The following SNX25 variants were observed in gnomAD, a reference collection of about 807,000 sequenced individuals.
The protein encoded by SNX25 is sorting nexin 25.
Under a neutral mutation model 113.7 loss-of-function variants are expected in SNX25, and 62 were observed. That is an observed-to-expected ratio of 0.55 (90% CI 0.44 to 0.67). SNX25 has a LOEUF of 0.67. Among genes scored for constraint, SNX25 ranks in the 30% least tolerant of loss-of-function variants. The pLI, the probability that SNX25 is intolerant of heterozygous loss-of-function variation, is 0.00. For missense variants in SNX25, 1,014 were observed against 1,161.0 expected, an observed-to-expected ratio of 0.87 and a Z score of 1.84; for synonymous variants, 421 against 436.2, an observed-to-expected ratio of 0.97 and a Z score of 0.43.
At chr4:185,330,897 G>A (rs930855778) in intron 9 of SNX25, among the ~76,000 whole-genome samples, 2 of 151,928 alleles carry the variant, frequency 1.3e-5, no homozygotes, top group African/African-American at 2.4e-5. Context: ...ACAGTTTGTT[G>A]TATCTATGTT....
At chr4:185,212,380 C>T (rs1454524611) in intron 1 of SNX25, among the ~76,000 whole-genome samples, 1 of 151,282 alleles carries the variant, frequency 6.6e-6, no homozygotes, top group African/African-American at 2.4e-5. Context: ...AAATACATGT[C>T]ATTCACATAA....
intron 11 of SNX25, chr4:185,369,648 A>G (rs1426773621): frequency 4.1e-5 from 15 of 366,072 alleles, no homozygotes; most frequent in Admixed American, 1.8e-4. Flanking sequence ...GCTGTGTGCT[A>G]TGTGTCTATG....
intron 1 of SNX25, among the ~76,000 whole-genome samples, chr4:185,227,900 C>T (rs1313874582): frequency 1.3e-5 from 2 of 151,986 alleles, no homozygotes; most frequent in Admixed American, 6.6e-5. Context: ...TGAGAAGCAG[C>T]GAGTCCAAGC....
the SNX25 span, among the ~76,000 whole-genome samples, chr4:185,376,305 T>C: frequency 8.6e-5 from 13 of 151,886 alleles, no homozygotes; most frequent in African/African-American, 1.5e-4. Flanking sequence ...TGAGAGGGAG[T>C]CTCGCTCTGT....
chr4:185,257,189 A>C (rs187955101), intron 2 of SNX25, among the ~76,000 whole-genome samples: 49 of 152,104 alleles, frequency 3.2e-4, no homozygotes, highest in Non-Finnish European at 2.2e-4. Context: ...AAAAAAAAAA[A>C]AAAAAACCTC....
chr4:185,338,652 G>A lies in SNX25; in HGVS notation c.1915-727G>A, dbSNP rs188843045. Among the ~76,000 whole-genome samples the A allele has an allele frequency of 1.5e-3, 229 of 152,190 alleles. 1 individual carries two copies. Among genetic ancestry groups the A allele is most frequent in the African/African-American group, 5.3e-3 (222 of 41,516 alleles). On this transcript the variant is annotated intron_variant, in intron 10 of 18. Transcript: ENST00000652585. ...TTTCGATCTTTGATCTACTTTAATT[G>A]TTATATATAGGGTTAGGTGGCAAGG... is the stretch of plus-strand genomic sequence containing the variant.
At chr4:185,274,861 G>A (rs992123070) in intron 5 of SNX25, among the ~76,000 whole-genome samples, 10 of 152,128 alleles carry the variant, frequency 6.6e-5, no homozygotes, top group Non-Finnish European at 1.5e-5. Flanking sequence ...GGATCCCATA[G>A]ATAATAAACA....
chr4:185,229,322 C>G (rs1017232445), intron 1 of SNX25, among the ~76,000 whole-genome samples: 3 of 152,226 alleles, frequency 2.0e-5, no homozygotes, highest in African/African-American at 7.2e-5. Flanking sequence ...CTCCTATCTG[C>G]TGGCATGCAA....
chr4:185,285,298 T>C (rs893101748), intron 5 of SNX25, among the ~76,000 whole-genome samples: 1 of 152,232 alleles, frequency 6.6e-6, no homozygotes, highest in African/African-American at 2.4e-5. Flanking sequence ...TGATATGTCC[T>C]GAAAGCAAGG....
intron 6 of SNX25, 55 bp downstream of exon 6, chr4:185,288,137 C>A: frequency 7.1e-7 from 1 of 1,401,276 alleles, no homozygotes; most frequent in Non-Finnish European, 1.0e-6. Context: ...GCTTGATCCC[C>A]GGCCTTCTCC....
intron 5 of SNX25, among the ~76,000 whole-genome samples, chr4:185,274,494 G>C (rs1749386585): frequency 6.6e-6 from 1 of 152,130 alleles, no homozygotes; most frequent in South Asian, 2.1e-4. Context: ...AAAAATAGAG[G>C]ATTCTATTAC....
At chr4:185,218,449 T>C (rs1167846128) in intron 1 of SNX25, among the ~76,000 whole-genome samples, 2 of 152,164 alleles carry the variant, frequency 1.3e-5, no homozygotes, top group Non-Finnish European at 1.5e-5. Flanking sequence ...TGCATGTATG[T>C]TGGTGGGCCT....
intron 1 of SNX25, among the ~76,000 whole-genome samples, chr4:185,241,720 A>T (rs1218790737): frequency 6.6e-6 from 1 of 152,096 alleles, no homozygotes; most frequent in Admixed American, 6.6e-5. Context: ...CTGGACCAGG[A>T]TACTGAAGAT....
At chr4:185,261,574 A>G (rs1178968799) in intron 3 of SNX25, among the ~76,000 whole-genome samples, 1 of 152,198 alleles carries the variant, frequency 6.6e-6, no homozygotes, top group Admixed American at 6.5e-5. Flanking sequence ...TGGTTTTATG[A>G]TTATCTAATT....
chr4:185,210,633 G>T lies in SNX25; in HGVS notation c.429+378G>T, dbSNP rs1737622493. 2.0e-5 allele frequency among the ~76,000 whole-genome samples: 3 copies of T among 151,978 alleles called. No individual in the cohort carries two copies. The highest frequency in any genetic ancestry group is 1.3e-4 in the Admixed American group (2 of 15,256). ...TGCAGGCTCTGCGCACGGTCCTGGC[G>T]ATCCGCTTGGTTCTTCTGGCCGTTC... On this transcript the variant is annotated intron_variant, in intron 1 of 18. Transcript: ENST00000652585. This position sits in a 1 kb window ranked among gnomAD's most constrained non-coding sequence, Gnocchi z 4.4.
At chr4:185,312,222 G>A (rs2095036582) in intron 7 of SNX25, among the ~76,000 whole-genome samples, 1 of 152,138 alleles carries the variant, frequency 6.6e-6, no homozygotes, top group African/African-American at 2.4e-5. Context: ...ACAGTGCTAG[G>A]TACTAGGATT....
At chr4:185,222,703 T>C (rs1246081566) in intron 1 of SNX25, among the ~76,000 whole-genome samples, 5 of 152,198 alleles carry the variant, frequency 3.3e-5, no homozygotes, top group African/African-American at 1.2e-4. Flanking sequence ...TAAGGCCTAG[T>C]TGGATGATTT....
At chr4:185,266,540 T>G (rs958065763) in intron 4 of SNX25, among the ~76,000 whole-genome samples, 26 of 152,260 alleles carry the variant, frequency 1.7e-4, no homozygotes, top group African/African-American at 5.3e-4. Context: ...TTTGTGTTTT[T>G]GGTAGAGATT....
intron 15 of SNX25, 127 bp from the exon 16 acceptor site, chr4:185,357,544 A>G (rs2095344543): frequency 2.6e-6 from 2 of 772,070 alleles, no homozygotes; most frequent in East Asian, 2.6e-5. Flanking sequence ...TGCAGATGTC[A>G]TAGCCATGAC....
Sources: allele counts gnomAD v4.1 joint callset (sites outside exome capture counted in the v4.1 genomes callset), GRCh38; gene constraint gnomAD v4.1.1; non-coding constraint Gnocchi (gnomAD v3.1); transcripts MANE v1.5; gene names NCBI Gene and HGNC (gene_info 2026-07-23, HGNC 2026-07-21).